The following CHL1 variants were observed in gnomAD, a reference collection of about 807,000 sequenced individuals.
CHL1 encodes cell adhesion molecule L1 like, also known as neural cell adhesion molecule L1-like protein.
CHL1 carries 96 observed loss-of-function variants against 141.9 expected under a neutral mutation model. That is an observed-to-expected ratio of 0.68 (90% confidence interval 0.57 to 0.80). The LOEUF (loss-of-function observed/expected upper bound fraction) is 0.80, where lower values mean the gene tolerates loss of function less well. CHL1 is among the 30% of genes least tolerant of loss of function. The pLI, the probability that CHL1 is intolerant of heterozygous loss-of-function variation, is 0.00. For synonymous variants in CHL1, 613 were observed against 502.2 expected (o/e 1.22, Z -2.95); for missense variants, 1,820 against 1,457.2 (o/e 1.25, Z -4.05).
chr3:294,087 G>C (rs1020302199), intron 2 of CHL1, among the ~76,000 whole-genome samples: 10 of 152,078 alleles, frequency 6.6e-5, no homozygotes, highest in Non-Finnish European at 2.9e-5. Flanking sequence ...GGGAGGCCGA[G>C]GCAGGCAGAT....
intron 1 of CHL1, among the ~76,000 whole-genome samples, chr3:231,526 T>C (rs1701851097): frequency 6.6e-6 from 1 of 152,018 alleles, no homozygotes; most frequent in African/African-American, 2.4e-5. Flanking sequence ...AAGTTTATAT[T>C]CATTGAAATT....
intron 2 of CHL1, among the ~76,000 whole-genome samples, chr3:314,275 G>C (rs1387163665): frequency 1.5e-5 from 2 of 134,104 alleles, no homozygotes; most frequent in African/African-American, 5.5e-5. Context: ...AGAAAGATTA[G>C]CATAACCTCC....
chr3:270,879 C>T (rs1695574756), intron 2 of CHL1, among the ~76,000 whole-genome samples: 1 of 152,194 alleles, frequency 6.6e-6, no homozygotes, highest in Admixed American at 6.5e-5. Flanking sequence ...TGTGACCTCT[C>T]CATCACAGCA....
chr3:265,654 CAT>C (rs1196277992), intron 2 of CHL1, among the ~76,000 whole-genome samples: 1 of 152,144 alleles, frequency 6.6e-6, no homozygotes, highest in Admixed American at 6.5e-5. Flanking sequence ...CTGTGATCCT[CAT>C]ATTCATTCAA....
chr3:369,169 C>T (rs1278027646), intron 15 of CHL1, among the ~76,000 whole-genome samples: 1 of 151,506 alleles, frequency 6.6e-6, no homozygotes, highest in East Asian at 1.9e-4. Flanking sequence ...AGCATTGAAT[C>T]TATAAATTAC....
At chr3:386,908 T>C (rs1345769197) in intron 19 of CHL1, among the ~76,000 whole-genome samples, 3 of 152,182 alleles carry the variant, frequency 2.0e-5, no homozygotes, top group East Asian at 1.9e-4. Flanking sequence ...GTTCTCATCA[T>C]AAAAAATAAG....
chr3:226,329 G>A (rs1437116496), intron 1 of CHL1, among the ~76,000 whole-genome samples: 1 of 147,570 alleles, frequency 6.8e-6, no homozygotes, highest in Non-Finnish European at 1.5e-5. Context: ...CACCATGCCA[G>A]GCTGAAAATT....
At chr3:251,676 C>T (rs138105075) in intron 2 of CHL1, among the ~76,000 whole-genome samples, 1 of 152,070 alleles carries the variant, frequency 6.6e-6, no homozygotes, top group Non-Finnish European at 1.5e-5. Flanking sequence ...TCATGGGAAG[C>T]CTATATCCTG....
intron 14 of CHL1, 103 bp downstream of exon 14, chr3:363,486 A>G: frequency 9.2e-7 from 1 of 1,082,854 alleles, no homozygotes; most frequent in Non-Finnish European, 1.3e-6. Context: ...GTACCAGATA[A>G]AGTTCTTTGA....
At chr3:344,317 CCTT>C (rs1328568189) in intron 8 of CHL1, among the ~76,000 whole-genome samples, 2 of 152,016 alleles carry the variant, frequency 1.3e-5, no homozygotes, top group Non-Finnish European at 2.9e-5. Context: ...TTCTGTTTGA[CCTT>C]CTGAGTTAGC....
At chr3:250,786 C>A (rs1474795574) in intron 2 of CHL1, among the ~76,000 whole-genome samples, 2 of 152,060 alleles carry the variant, frequency 1.3e-5, no homozygotes, top group Non-Finnish European at 2.9e-5. Flanking sequence ...ACATTTTAAA[C>A]CTGTGCCATG....
intron 16 of CHL1, among the ~76,000 whole-genome samples, chr3:379,860 C>T (rs1321921311): frequency 6.6e-6 from 1 of 151,862 alleles, no homozygotes; most frequent in Non-Finnish European, 1.5e-5. Flanking sequence ...CGACAATTGA[C>T]AATAAAAAAA....
chr3:342,969 G>A lies in CHL1; in HGVS notation c.680-15G>A, dbSNP rs200879014. 8.9e-4 allele frequency: 1,413 copies of A among 1,593,514 alleles called. 3 individuals carry two copies. The highest frequency in any genetic ancestry group is 1.1e-3 in the Non-Finnish European group (1,258 of 1,172,312). On this transcript the variant is annotated splice_polypyrimidine_tract_variant and intron_variant, in intron 7 of 27. Coordinates refer to ENST00000256509, the MANE Select transcript of CHL1 (RefSeq NM_006614.4). Reference sequence around the variant, plus strand: ...CATTATGTTTGTGTTTTTTCCTTCCGTTTTTTTATTTCAGTAAAGCATGCT... The same window carrying A: ...CATTATGTTTGTGTTTTTTCCTTCCATTTTTTTATTTCAGTAAAGCATGCT...
chr3:383,572 T>C lies in CHL1; in HGVS notation c.2177-244T>C, dbSNP rs571353204. ...AGCAGATTCAAAATTAAGACACATA[T>C]ACTAAACCATCTACTCTCCACTGGA... On this transcript the variant is annotated intron_variant, in intron 18 of 27. Coordinates refer to ENST00000256509, the MANE Select transcript of CHL1 (RefSeq NM_006614.4). 7.2e-5 allele frequency among the ~76,000 whole-genome samples: 11 copies of C among 152,296 alleles called. No homozygotes were observed. In the South Asian group the frequency reaches 2.1e-3, roughly 29 times the overall value.
intron 2 of CHL1, among the ~76,000 whole-genome samples, chr3:245,721 A>G (rs964112727): frequency 3.3e-5 from 5 of 152,164 alleles, no homozygotes; most frequent in African/African-American, 1.2e-4. Flanking sequence ...ATGTGGAAAG[A>G]GATAGAAAAT....
At chr3:227,405 G>C (rs1159690974) in intron 1 of CHL1, among the ~76,000 whole-genome samples, 1 of 152,110 alleles carries the variant, frequency 6.6e-6, no homozygotes, top group African/African-American at 2.4e-5. Context: ...AGCAAAAGAG[G>C]GAAGACAAAC....
chr3:293,459 C>A (rs73007553), intron 2 of CHL1, among the ~76,000 whole-genome samples: 2,160 of 152,044 alleles, frequency 0.014, 44 homozygotes, highest in Non-Finnish European at 0.016. Context: ...GCTGAGAGAT[C>A]GAGCCACTGC....
intron 1 of CHL1, among the ~76,000 whole-genome samples, chr3:211,249 T>C (rs1350841393): frequency 2.0e-5 from 3 of 152,214 alleles, no homozygotes; most frequent in African/African-American, 7.2e-5. Flanking sequence ...CTTTCTGCCC[T>C]GAAATAATGA....
At chr3:238,928 C>A (rs2125078771) in intron 1 of CHL1, among the ~76,000 whole-genome samples, 1 of 150,408 alleles carries the variant, frequency 6.6e-6, no homozygotes, top group South Asian at 2.1e-4. Context: ...AGCAAGACTT[C>A]TAAAACAACA....
Sources: allele counts gnomAD v4.1 joint callset (sites outside exome capture counted in the v4.1 genomes callset), GRCh38; gene constraint gnomAD v4.1.1; transcripts MANE v1.5; gene names NCBI Gene and HGNC (gene_info 2026-07-23, HGNC 2026-07-21).